The following SERINC3 variants were observed in gnomAD, a reference collection of about 807,000 sequenced individuals.
SERINC3 encodes the protein serine incorporator 3.
Under a neutral mutation model 52.1 loss-of-function variants are expected in SERINC3, and 22 were observed. The observed-to-expected ratio is 0.42, with a 90% CI of 0.30 to 0.60. SERINC3 has a LOEUF of 0.60. Ranked by LOEUF, SERINC3 falls within the 20% of genes least tolerant of loss-of-function variation. SERINC3 has a pLI of 0.16. For missense variants in SERINC3, 564 were observed against 584.6 expected, an observed-to-expected ratio of 0.96 and a Z score of 0.36; for synonymous variants, 226 against 212.7, an observed-to-expected ratio of 1.06 and a Z score of -0.54.
intron 1 of SERINC3, chr20:44,519,314 G>T: frequency 2.6e-6 from 1 of 390,892 alleles, no homozygotes; most frequent in Non-Finnish European, 3.5e-6. Context: ...GCTCACACCT[G>T]TAATCCAAGC....
rs769996054 is a variant in SERINC3 at position 44,498,707 on chromosome 20, T to G, written c.*1589A>C. ...TATGGACTGCACCTGGTCTCATCTC[T>G]CTAAATCCATTCTCTATATATCAGC... On this transcript the variant is annotated 3_prime_UTR_variant, in exon 10 of 10. Coordinates refer to ENST00000342374, the MANE Select transcript of SERINC3 (RefSeq NM_006811.4). The G allele has an allele frequency of 2.6e-5, 4 of 152,192 alleles. No individual in the cohort carries two copies. Among genetic ancestry groups the G allele is most frequent in the Non-Finnish European group, 5.9e-5 (4 of 68,032 alleles). The allele number at this position is 152,192 out of a possible 1,614,324, so 9.4% of individuals were successfully genotyped here. A position where few individuals can be genotyped will look rare whatever the true frequency, so the allele number is the denominator to read the frequency against.
Position 44,513,959 on chromosome 20 carries a change from T to C in SERINC3, c.121A>G (p.Ile41Val), listed in dbSNP as rs2064364289. The C allele has an allele frequency of 6.2e-7, 1 of 1,614,144 alleles. No individual in the cohort carries two copies. Among genetic ancestry groups the C allele is most frequent in the Non-Finnish European group, 8.5e-7 (1 of 1,180,018 alleles). Residue 41 changes from isoleucine (I) to valine (V), a missense_variant, in exon 2 of 10, where the codon ATT becomes GTT. By Grantham distance (29) the Ile-to-Val change is conservative. Transcript: ENST00000342374. Reference sequence around the variant, plus strand: ...CTCAGGAGGAGAATGAAAGCATAAATGAGGCGAGTCACCGTGGAATTCTTA... The same window carrying C: ...CTCAGGAGGAGAATGAAAGCATAAACGAGGCGAGTCACCGTGGAATTCTTA... ...NSKNSTVTRL[I>V]YAFILLLSTV... is the part of the protein sequence containing the mutation.
intron 1 of SERINC3, among the ~76,000 whole-genome samples, chr20:44,520,527 T>A (rs1199700306): frequency 3.3e-5 from 5 of 152,008 alleles, no homozygotes; most frequent in Non-Finnish European, 5.9e-5. Context: ...TACAGCATAT[T>A]CTCGCTTACA....
At chr20:44,502,079 T>C (rs1231855471) in intron 8 of SERINC3, among the ~76,000 whole-genome samples, 2 of 152,108 alleles carry the variant, frequency 1.3e-5, no homozygotes, top group Admixed American at 1.3e-4. Flanking sequence ...AAGACAAGGA[T>C]CCTACTCTCA....
At position 44,512,858 on chromosome 20, in the gene SERINC3, G is replaced by A. The variant is rs770993400; in HGVS notation, c.338C>T (p.Ser113Phe). The change falls in exon 3 of 10, where the codon TCT (serine) becomes TTT (phenylalanine). Residue 113 changes from serine to phenylalanine, a missense_variant. Transcript: ENST00000342374. ...TGTTTTTACTTTGAACATGAGCAGA[G>A]AAAAGACAAAGAAAAAGATGGCCAT... Reference protein sequence around the residue: ...FAMAIFFFVFSLLMFKVKTSK... With the variant: ...FAMAIFFFVFFLLMFKVKTSK... 3.2e-6 allele frequency: 5 copies of A among 1,578,464 alleles called. No homozygotes were observed. The highest frequency in any genetic ancestry group is 1.7e-4 in the Middle Eastern group (1 of 5,996).
In SERINC3 at chr20:44,513,328, T is replaced by C. The variant is rs140167287; in HGVS notation, c.202-334A>G. 3.4e-4 allele frequency among the ~76,000 whole-genome samples: 51 copies of C among 152,072 alleles called. 1 individual carries two copies. The East Asian group carries it at 4.8e-3, about 14-fold the overall frequency. ...GTGAAAACCCTATCTCTACTAAAAA[T>C]ACAAAAAATTACCCGGGCATGGTGG... On this transcript the variant is annotated intron_variant, in intron 2 of 9. Coordinates refer to ENST00000342374, the MANE Select transcript of SERINC3 (RefSeq NM_006811.4).
In SERINC3 at chr20:44,512,913, A is replaced by G. The variant is rs2064357570; in HGVS notation, c.283T>C (p.Tyr95His). 3 of 1,572,956 alleles carry G rather than the reference A, an allele frequency of 1.9e-6. No homozygotes were observed. Among genetic ancestry groups the G allele is most frequent in the Non-Finnish European group, 2.6e-6 (3 of 1,166,724 alleles). ...AAGCTGATCCGATACACAGCTTTAT[A>G]ACCAACCAGCACATCACAATCTTTA... ...ADKDCDVLVGYKAVYRISFAM... is the reference protein window; with the variant it reads ...ADKDCDVLVGHKAVYRISFAM... Residue 95 changes from tyrosine (Y) to histidine (H), a missense_variant, in exon 3 of 10, where the codon TAT becomes CAT. Tyr to His is a moderately conservative substitution (Grantham distance 83, BLOSUM62 2). Coordinates refer to ENST00000342374, the MANE Select transcript of SERINC3 (RefSeq NM_006811.4).
intron 4 of SERINC3, among the ~76,000 whole-genome samples, chr20:44,510,726 G>A (rs1384443986): frequency 6.6e-6 from 1 of 152,004 alleles, no homozygotes; most frequent in Non-Finnish European, 1.5e-5. Context: ...GCAGAGAACT[G>A]CTTGAACCCA....
chr20:44,506,584 CAAAAAAAAA>C (rs1191331026), intron 6 of SERINC3, among the ~76,000 whole-genome samples: 23 of 14,260 alleles, frequency 1.6e-3, no homozygotes, highest in South Asian at 7.4e-3. Context: ...GACTCCATCT[CAAAAAAAAA>C]AAAAAAAAAA....
At chr20:44,513,619 A>G (rs749547596) in intron 2 of SERINC3, among the ~76,000 whole-genome samples, 1 of 152,198 alleles carries the variant, frequency 6.6e-6, no homozygotes, top group Non-Finnish European at 1.5e-5. Flanking sequence ...TTCGACCTTT[A>G]ACACATAAGG....
At chr20:44,500,727 G>A (rs2123029027) in intron 9 of SERINC3, among the ~76,000 whole-genome samples, 1 of 152,300 alleles carries the variant, frequency 6.6e-6, no homozygotes, top group African/African-American at 2.4e-5. Flanking sequence ...TCTAGATTGA[G>A]ATAGCCTCCC....
chr20:44,504,073 T>C (rs2064296753), intron 7 of SERINC3, 78 bp from the exon 8 acceptor site: 2 of 1,190,996 alleles, frequency 1.7e-6, no homozygotes, highest in Non-Finnish European at 2.4e-6. Context: ...GTTCCCTACA[T>C]ATCATTCAGT....
chr20:44,497,092 T>A (rs1328007051), downstream of SERINC3, among the ~76,000 whole-genome samples: 1 of 152,164 alleles, frequency 6.6e-6, no homozygotes, highest in African/African-American at 2.4e-5. Flanking sequence ...ATGTCCCTGA[T>A]CTGAAAGCCA....
In SERINC3 at chr20:44,500,377, G is replaced by C; in HGVS notation, c.1341C>G (p.Ile447Met). The C allele has an allele frequency of 8.8e-6, 14 of 1,599,328 alleles. No homozygotes were observed. The highest frequency in any genetic ancestry group is 1.3e-5 in the African/African-American group (1 of 74,894). Residue 447 changes from isoleucine (I) to methionine (M), a missense_variant, in exon 10 of 10, where the codon ATC becomes ATG. Transcript: ENST00000342374. The stretch of plus-strand genomic sequence containing the variant: ...GCAGGAGGCAGACCCAGCTGGAGCT[G>C]ATCTTGACCCACACAGCTGGCCACT... ...TSKWPAVWVK[I>M]SSSWVCLLLY...
At chr20:44,500,517 A>G in intron 9 of SERINC3, 83 bp from the exon 10 acceptor site, 3 of 1,492,492 alleles carry the variant, frequency 2.0e-6, no homozygotes. Context: ...AGCCAAGGCC[A>G]AGAAATTCTC....
intron 5 of SERINC3, 37 bp from the exon 6 acceptor site, chr20:44,507,033 A>G (rs769291936): frequency 2.1e-6 from 3 of 1,443,928 alleles, no homozygotes; most frequent in Middle Eastern, 1.8e-4. Flanking sequence ...GACCACAACT[A>G]TAATAAACTA....
intron 8 of SERINC3, among the ~76,000 whole-genome samples, chr20:44,503,190 T>A (rs1234227785): frequency 6.6e-6 from 1 of 152,170 alleles, no homozygotes; most frequent in Non-Finnish European, 1.5e-5. Flanking sequence ...CCCAATTTGG[T>A]CTATACAGAT....
chr20:44,519,348 GA>G, intron 1 of SERINC3: 1 of 846,750 alleles, frequency 1.2e-6, no homozygotes, highest in Non-Finnish European at 1.4e-6. Context: ...GGCGGATCAC[GA>G]GGTCAGGAGA....
Position 44,505,968 on chromosome 20 carries a change from A to T in SERINC3, c.783+859T>A, listed in dbSNP as rs576006466. On this transcript the variant is annotated intron_variant, in intron 6 of 9. Coordinates refer to ENST00000342374, the MANE Select transcript of SERINC3 (RefSeq NM_006811.4). ...GAAATATTAAAATCAATTATTTTTC[A>T]GTTTAATTCCCCTAAAATATCTTGG... Among the ~76,000 whole-genome samples, 7 of 152,274 alleles carry T rather than the reference A, an allele frequency of 4.6e-5. No homozygotes were observed. In the South Asian group the frequency reaches 1.0e-3, roughly 23 times the overall value.
Sources: allele counts gnomAD v4.1 joint callset (sites outside exome capture counted in the v4.1 genomes callset), GRCh38; gene constraint gnomAD v4.1.1; transcripts MANE v1.5; gene names NCBI Gene and HGNC (gene_info 2026-07-23, HGNC 2026-07-21).